Variants in FYCO1 observed in about 807,000 individuals in gnomAD.
The protein encoded by FYCO1 is FYVE and coiled-coil domain autophagy adaptor 1.
In FYCO1, 122 loss-of-function variants were observed where a neutral mutation model predicts 165.1. The observed-to-expected ratio is 0.74, with a 90% CI of 0.64 to 0.86. The LOEUF (loss-of-function observed/expected upper bound fraction) is 0.86, where lower values mean the gene tolerates loss of function less well. Among genes scored for constraint, FYCO1 ranks in the 40% least tolerant of loss-of-function variants. The pLI is 0.00. For synonymous variants in FYCO1, 648 were observed against 742.5 expected (o/e 0.87, Z 2.07); for missense variants, 1,702 against 1,810.3 (o/e 0.94, Z 1.09).
Position 45,966,508 on chromosome 3 carries a change from C to A in FYCO1, c.2826G>T (p.Arg942Ser). The A allele has an allele frequency of 6.2e-7, 1 of 1,612,930 alleles. No individual in the cohort carries two copies. The highest frequency in any genetic ancestry group is 8.5e-7 in the Non-Finnish European group (1 of 1,179,006). The change falls in exon 8 of 18, where the codon AGG becomes AGT. Residue 942 changes from arginine (R) to serine (S), a missense_variant. By Grantham distance (110) the Arg-to-Ser change is moderately radical (BLOSUM62 -1). Coordinates refer to ENST00000296137, the MANE Select transcript of FYCO1 (RefSeq NM_024513.4). Reference sequence around the variant, plus strand: ...CTTGGCGCTCCAGGCCCTCTCGCTCCCTTGAGGCTGCCTCTTTGGCGTCCT... The same window carrying A: ...CTTGGCGCTCCAGGCCCTCTCGCTCACTTGAGGCTGCCTCTTTGGCGTCCT... ...ELQDAKEAASREREGLERQVA... is the reference protein window; with the variant it reads ...ELQDAKEAASSEREGLERQVA...
At position 45,966,449 on chromosome 3, in the gene FYCO1, T is replaced by C. The variant is rs759342903; in HGVS notation, c.2885A>G (p.Gln962Arg). ...AGLQQEKESL[Q>R]EKLKAAKAAA... is the part of the protein sequence containing the mutation. ...TGCCTTGGCCGCCTTCAGCTTCTCC[T>C]GCAAGCTCTCCTTCTCTTGCTGCAG... Residue 962 changes from glutamine to arginine, a missense_variant, in exon 8 of 18, where the codon CAG becomes CGG. Gln to Arg is a conservative substitution (Grantham distance 43, BLOSUM62 1). Coordinates refer to ENST00000296137, the MANE Select transcript of FYCO1 (RefSeq NM_024513.4). The C allele has an allele frequency of 3.1e-6, 5 of 1,611,936 alleles. No homozygotes were observed. In the African/African-American group the frequency reaches 4.0e-5, roughly 13 times the overall value.
In FYCO1 at chr3:45,921,778, C is replaced by T; in HGVS notation, c.4424G>A (p.Ser1475Asn). The T allele has an allele frequency of 6.2e-7, 1 of 1,609,618 alleles. No homozygotes were observed. The highest frequency in any genetic ancestry group is 1.7e-4 in the Middle Eastern group (1 of 6,054). Reference sequence around the variant, plus strand: ...GAGGTGCTGAAGCTACAGGAAATCACTTCCATCGTAGATCACAGGCCGATC... The same window carrying T: ...GAGGTGCTGAAGCTACAGGAAATCATTTCCATCGTAGATCACAGGCCGATC... ...TVDRPVIYDG[S>N]DFL The change falls in exon 18 of 18, where the codon AGT becomes AAT. Residue 1475 changes from serine to asparagine, a missense_variant. By Grantham distance (46) the Ser-to-Asn change is conservative (BLOSUM62 1). Transcript: ENST00000296137.
At position 45,959,435 on chromosome 3, in the gene FYCO1, C is replaced by T. The variant is rs1705564306; in HGVS notation, c.3545G>A (p.Cys1182Tyr). 1.2e-6 allele frequency: 2 copies of T among 1,614,108 alleles called. No homozygotes were observed. The highest frequency in any genetic ancestry group is 1.3e-5 in the African/African-American group (1 of 75,056). ...GDTEANHCLD[C>Y]KREFSWMVRR... ...CACCATCCAGCTGAACTCCCGCTTACAGTCGAGGCAGTGGTTTGCCTCTGT... is the reference window on the plus strand; with the variant it reads ...CACCATCCAGCTGAACTCCCGCTTATAGTCGAGGCAGTGGTTTGCCTCTGT... The change falls in exon 12 of 18, where the codon TGT becomes TAT. Residue 1182 changes from cysteine to tyrosine, a missense_variant. By Grantham distance (194) the Cys-to-Tyr change is radical (BLOSUM62 -2). Coordinates refer to ENST00000296137, the MANE Select transcript of FYCO1 (RefSeq NM_024513.4).
intron 1 of FYCO1, among the ~76,000 whole-genome samples, chr3:45,989,912 C>T (rs1047408219): frequency 5.9e-5 from 9 of 152,128 alleles, no homozygotes; most frequent in African/African-American, 1.4e-4. Context: ...CTGTACTTGA[C>T]GCTGTGGGGC....
rs371819736 is a variant in FYCO1, at chr3:45,958,396, C to T, written c.3799+12G>A. 144 of 1,610,604 alleles carry T rather than the reference C, an allele frequency of 8.9e-5. No homozygotes were observed. In the Middle Eastern group the frequency reaches 2.0e-3, roughly 22 times the overall value. Reference sequence around the variant, plus strand: ...TAGAGAACATAGTAGGCAGTAGTAGCAGGAGACTGACCTTGGCCTCCTGTG... The same window carrying T: ...TAGAGAACATAGTAGGCAGTAGTAGTAGGAGACTGACCTTGGCCTCCTGTG... On this transcript the variant is annotated intron_variant, in intron 13 of 17. Transcript: ENST00000296137.
At chr3:45,922,560 T>C (rs1473378860) in intron 17 of FYCO1, among the ~76,000 whole-genome samples, 1 of 152,112 alleles carries the variant, frequency 6.6e-6, no homozygotes, top group Non-Finnish European at 1.5e-5. Flanking sequence ...ACTCTTGGGG[T>C]AGAGGGTGGC....
At chr3:45,991,122 A>C (rs1158684971) in intron 1 of FYCO1, among the ~76,000 whole-genome samples, 1 of 152,216 alleles carries the variant, frequency 6.6e-6, no homozygotes, top group African/African-American at 2.4e-5. Context: ...CTGATTTTTC[A>C]ATTTTCCTTT....
At chr3:45,985,594 C>T (rs891050756) in intron 1 of FYCO1, among the ~76,000 whole-genome samples, 3 of 152,298 alleles carry the variant, frequency 2.0e-5, no homozygotes, top group African/African-American at 7.2e-5. Context: ...CGTCGTGAGG[C>T]TTGAAGCCTC....
intron 11 of FYCO1, among the ~76,000 whole-genome samples, 191 bp from the exon 12 acceptor site, chr3:45,959,733 C>G (rs573405154): frequency 6.6e-6 from 1 of 152,216 alleles, no homozygotes; most frequent in Non-Finnish European, 1.5e-5. Context: ...TTAACTGACA[C>G]CGCATGTGTG....
intron 5 of FYCO1, among the ~76,000 whole-genome samples, chr3:45,974,061 C>A (rs193270547): frequency 7.5e-4 from 114 of 152,194 alleles, no homozygotes; most frequent in Middle Eastern, 3.4e-3. Flanking sequence ...ACTACCCCAA[C>A]CCCCTACCCC....
intron 16 of FYCO1, among the ~76,000 whole-genome samples, 160 bp downstream of exon 16, chr3:45,930,911 G>A (rs1168274707): frequency 3.9e-5 from 6 of 152,188 alleles, no homozygotes; most frequent in South Asian, 4.1e-4. Flanking sequence ...ACTGGACAAG[G>A]CCCAGGTGCT....
chr3:45,958,613 A>C lies in FYCO1; in HGVS notation c.3594T>G (p.Cys1198Trp). The change falls in exon 13 of 18, where the codon TGT becomes TGG. Residue 1198 changes from cysteine (C) to tryptophan (W), a missense_variant. Cys to Trp is a radical substitution (Grantham distance 215). Transcript: ENST00000296137. ...AGCAGTAGTAACAGAAGATGCGGCC[A>C]CATATCCTGGGAACAAAACAAGCCC... Reference protein sequence around the residue: ...WMVRRHHCRICGRIFCYYCCN... With the variant: ...WMVRRHHCRIWGRIFCYYCCN... 6.2e-7 allele frequency: 1 copy of C among 1,614,204 alleles called. No individual in the cohort carries two copies. Among genetic ancestry groups the C allele is most frequent in the Non-Finnish European group, 8.5e-7 (1 of 1,180,026 alleles).
At position 45,918,572 on chromosome 3, in the gene FYCO1, T is replaced by C. The variant is rs567803047; in HGVS notation, c.*3193A>G. The C allele has an allele frequency of 2.0e-5, 3 of 152,296 alleles. No individual in the cohort carries two copies. Among genetic ancestry groups the C allele is most frequent in the Non-Finnish European group, 2.9e-5 (2 of 68,026 alleles). The allele number at this position is 152,296 out of a possible 1,614,324, so 9.4% of individuals were successfully genotyped here. The stretch of plus-strand genomic sequence containing the variant: ...TAAAGAATTCTCATATGTAGAATCA[T>C]GCGCACTTTTAAAACTGAAACTCCT... On this transcript the variant is annotated 3_prime_UTR_variant, in exon 18 of 18. Transcript: ENST00000296137.
At chr3:45,942,070 C>T (rs1704260351) in intron 14 of FYCO1, among the ~76,000 whole-genome samples, 1 of 152,242 alleles carries the variant, frequency 6.6e-6, no homozygotes, top group Admixed American at 6.5e-5. Flanking sequence ...ACACCTCACT[C>T]ATTTGTACCA....
At chr3:45,943,316 T>A (rs1303378549) in intron 14 of FYCO1, among the ~76,000 whole-genome samples, 1 of 152,038 alleles carries the variant, frequency 6.6e-6, no homozygotes, top group Non-Finnish European at 1.5e-5. Context: ...GAGTGTGGGG[T>A]ATCAGTCACC....
intron 6 of FYCO1, among the ~76,000 whole-genome samples, chr3:45,970,860 T>A (rs1244681465): frequency 6.6e-6 from 1 of 151,606 alleles, no homozygotes; most frequent in Non-Finnish European, 1.5e-5. Flanking sequence ...TGTGTAAAAT[T>A]TTAAAACATT....
intron 4 of FYCO1, among the ~76,000 whole-genome samples, chr3:45,977,394 T>A (rs201140472): frequency 2.3e-5 from 1 of 42,854 alleles, no homozygotes; most frequent in Non-Finnish European, 5.4e-5. Flanking sequence ...TATATATATA[T>A]ATATATATAT....
intron 14 of FYCO1, chr3:45,947,758 T>C: frequency 3.9e-6 from 2 of 506,650 alleles, no homozygotes; most frequent in Non-Finnish European, 7.3e-6. Context: ...TCTCCAAGAA[T>C]GCTGAAACCA....
chr3:45,958,514 A>C lies in FYCO1; in HGVS notation c.3693T>G (p.Ser1231Arg). ...RCCRACFQKL[S>R]EGPGSPDSSG... ...TGCTATCAGGGGAGCCAGGGCCTTC[A>C]CTGAGCTTCTGGAAACAGGCTCGGC... The change falls in exon 13 of 18, where the codon AGT becomes AGG. Residue 1231 changes from serine to arginine, a missense_variant. Coordinates refer to ENST00000296137, the MANE Select transcript of FYCO1 (RefSeq NM_024513.4). The C allele has an allele frequency of 6.2e-7, 1 of 1,614,194 alleles. No homozygotes were observed. The highest frequency in any genetic ancestry group is 2.2e-5 in the East Asian group (1 of 44,876).
Sources: gnomAD v4.1 joint callset for allele counts (sites outside exome capture counted in the v4.1 genomes callset) on GRCh38, gnomAD v4.1.1 for gene constraint, MANE v1.5 for transcripts, NCBI Gene and HGNC (gene_info 2026-07-23, HGNC 2026-07-21) for gene names.